The following DOCK7 variants were observed in gnomAD, a reference collection of about 807,000 sequenced individuals.
DOCK7 encodes the protein dedicator of cytokinesis protein 7.
Under a neutral mutation model 271.0 loss-of-function variants are expected in DOCK7, and 138 were observed. The observed-to-expected ratio is 0.51, with a 90% confidence interval of 0.44 to 0.59. DOCK7 has a LOEUF of 0.59. DOCK7 is among the 20% of genes least tolerant of loss of function. The probability of loss-of-function intolerance (pLI) is 0.00; values close to 1 mark genes in which losing one functional copy is unlikely to be tolerated. For missense variants in DOCK7, 2,066 were observed against 2,592.4 expected (o/e 0.80, Z 4.41); for synonymous variants, 823 against 876.1 (o/e 0.94, Z 1.07).
intron 7 of DOCK7, among the ~76,000 whole-genome samples, chr1:62,637,589 T>C (rs1033906458): frequency 7.9e-5 from 12 of 152,202 alleles, no homozygotes; most frequent in Non-Finnish European, 1.3e-4. Flanking sequence ...AGTGCTGACA[T>C]TGTAATAACC....
At chr1:62,491,469 A>C (rs1194322791) in intron 41 of DOCK7, among the ~76,000 whole-genome samples, 1 of 152,238 alleles carries the variant, frequency 6.6e-6, no homozygotes, top group East Asian at 1.9e-4. Context: ...TTCTCCAATA[A>C]ACATCCCATC....
intron 19 of DOCK7, among the ~76,000 whole-genome samples, chr1:62,560,052 G>C (rs1646273119): frequency 6.6e-6 from 1 of 152,074 alleles, no homozygotes; most frequent in Admixed American, 6.6e-5. Flanking sequence ...GATTCCACTG[G>C]GAGAGGATTT....
intron 1 of DOCK7, among the ~76,000 whole-genome samples, chr1:62,663,530 C>G (rs959973512): frequency 1.3e-5 from 2 of 152,054 alleles, no homozygotes; most frequent in Admixed American, 6.6e-5. Flanking sequence ...TATATATACA[C>G]TTTAAAGTAT....
At chr1:62,584,584 A>G (rs1647280323) in intron 15 of DOCK7, 1 of 1,200,502 alleles carries the variant, frequency 8.3e-7, no homozygotes, top group Non-Finnish European at 1.0e-6. Context: ...GTTTATTTTC[A>G]TAATATGACA....
chr1:62,538,872 T>A (rs1268128287), intron 27 of DOCK7, among the ~76,000 whole-genome samples: 1 of 152,174 alleles, frequency 6.6e-6, no homozygotes, highest in Non-Finnish European at 1.5e-5. Context: ...AATTCTGGGA[T>A]GGGACTCAGA....
At chr1:62,600,380 G>C (rs1394389989) in intron 14 of DOCK7, among the ~76,000 whole-genome samples, 1 of 151,690 alleles carries the variant, frequency 6.6e-6, no homozygotes, top group Admixed American at 6.6e-5. Context: ...CTTTACAATA[G>C]ATCCTTTTAA....
In DOCK7 at chr1:62,528,143, G is replaced by A. The variant is rs754463129; in HGVS notation, c.3936+8C>T. The A allele has an allele frequency of 8.7e-6, 14 of 1,604,778 alleles. No individual in the cohort carries two copies. Among genetic ancestry groups the A allele is most frequent in the Non-Finnish European group, 1.1e-5 (13 of 1,175,946 alleles). On this transcript the variant is annotated splice_region_variant and intron_variant, in intron 31 of 49. Coordinates refer to ENST00000635253, the MANE Select transcript of DOCK7 (RefSeq NM_001367561.1). ...GAAAAAAAAATTCTGTAGGAGGATT[G>A]TTTTTACCGTTGACGTGAGGAGGAA...
At chr1:62,487,582 T>G (rs991097557) in intron 42 of DOCK7, 170 bp from the exon 43 acceptor site, 2 of 564,556 alleles carry the variant, frequency 3.5e-6, no homozygotes, top group Non-Finnish European at 6.0e-6. Context: ...ATAAATTGCT[T>G]GGTCAAAACC....
chr1:62,675,709 CG>C (rs1557894877), intron 1 of DOCK7, among the ~76,000 whole-genome samples: 2 of 151,814 alleles, frequency 1.3e-5, no homozygotes, highest in East Asian at 1.9e-4. Context: ...GGTGTGAACC[CG>C]GGAAGTGGAG....
intron 22 of DOCK7, among the ~76,000 whole-genome samples, chr1:62,545,263 T>C (rs145394119): frequency 2.6e-5 from 4 of 152,222 alleles, no homozygotes; most frequent in African/African-American, 9.6e-5. Flanking sequence ...AAGTATAGTA[T>C]TTAAAGGTAA....
intron 14 of DOCK7, chr1:62,597,737 T>C (rs533410817): frequency 1.2e-6 from 2 of 1,613,608 alleles, no homozygotes. Context: ...GACATGGTCT[T>C]AAAGACTTTG....
chr1:62,604,261 T>C, intron 14 of DOCK7: 1 of 1,610,370 alleles, frequency 6.2e-7, no homozygotes, highest in East Asian at 2.2e-5. Context: ...ACCAATACTT[T>C]ATTTTCATAT....
At chr1:62,629,701 C>CAGT (rs1024067279) in intron 11 of DOCK7, 10 of 152,152 alleles carry the variant, frequency 6.6e-5, no homozygotes, top group Non-Finnish European at 1.5e-4. Flanking sequence ...AAACACTGCA[C>CAGT]AGTAAGTCCT....
intron 15 of DOCK7, among the ~76,000 whole-genome samples, chr1:62,585,629 C>T (rs1159372318): frequency 6.6e-6 from 1 of 152,142 alleles, no homozygotes; most frequent in African/African-American, 2.4e-5. Context: ...CATTACTGTT[C>T]ACAGGCATTC....
chr1:62,542,967 A>T (rs1293770126), intron 24 of DOCK7, among the ~76,000 whole-genome samples: 1 of 152,188 alleles, frequency 6.6e-6, no homozygotes, highest in Non-Finnish European at 1.5e-5. Context: ...TAGCCTCCTA[A>T]ATTGTACCTG....
rs1557811010 is a variant in DOCK7 at position 62,618,806 on chromosome 1, G to C, written c.1582C>G (p.Leu528Val). Reference protein sequence around the residue: ...ENPHYCLTPELLQVKLYPDSR... With the variant: ...ENPHYCLTPEVLQVKLYPDSR... ...TCAGGGTAAAGCTTCACTTGAAGCA[G>C]CTCCGGAGTTAGGCAATAATGGGGA... The change falls in exon 14 of 50, where the codon CTG (leucine) becomes GTG (valine). Residue 528 changes from leucine to valine, a missense_variant. This residue lies in a region of DOCK7 where 1,414 missense variants were observed against 1,670.4 expected (regional missense o/e 0.85). Transcript: ENST00000635253. The C allele has an allele frequency of 1.9e-6, 3 of 1,613,730 alleles. No homozygotes were observed. Among genetic ancestry groups the C allele is most frequent in the South Asian group, 2.2e-5 (2 of 91,068 alleles).
chr1:62,569,601 C>A (rs1040277456), intron 18 of DOCK7, among the ~76,000 whole-genome samples: 1 of 152,074 alleles, frequency 6.6e-6, no homozygotes, highest in Non-Finnish European at 1.5e-5. Flanking sequence ...ATAGTAAGAG[C>A]CATTTATGAA....
chr1:62,536,832 G>C (rs536369418), intron 28 of DOCK7, among the ~76,000 whole-genome samples: 1 of 152,282 alleles, frequency 6.6e-6, no homozygotes, highest in East Asian at 1.9e-4. Flanking sequence ...AGTAGAACGA[G>C]TATTTCACTG....
At chr1:62,657,419 A>C (rs1410689699) in intron 2 of DOCK7, among the ~76,000 whole-genome samples, 2 of 152,208 alleles carry the variant, frequency 1.3e-5, no homozygotes, top group Non-Finnish European at 2.9e-5. Context: ...CTAGAGCAAT[A>C]TCAAAGAAAA....
Sources: gnomAD v4.1 joint callset for allele counts (sites outside exome capture counted in the v4.1 genomes callset) on GRCh38, gnomAD v4.1.1 for gene constraint, gnomAD v4.1.1 regional missense constraint, MANE v1.5 for transcripts, NCBI Gene and HGNC (gene_info 2026-07-23, HGNC 2026-07-21) for gene names.